GFRAL: variants seen among roughly 807,000 people sequenced by gnomAD.
GFRAL encodes the protein GDNF family receptor alpha-like.
In GFRAL, 36 loss-of-function variants were observed where a neutral mutation model predicts 45.4. That is an observed-to-expected ratio of 0.79 (90% confidence interval 0.61 to 1.05). GFRAL has a LOEUF of 1.05. GFRAL is among the 50% of genes least tolerant of loss of function. The pLI, the probability that GFRAL is intolerant of heterozygous loss-of-function variation, is 0.00. For synonymous variants in GFRAL, 166 were observed against 154.1 expected (o/e 1.08, Z -0.57); for missense variants, 507 against 467.5 (o/e 1.08, Z -0.78).
intron 6 of GFRAL, among the ~76,000 whole-genome samples, chr6:55,395,418 T>G (rs1768812282): frequency 6.6e-6 from 1 of 151,932 alleles, no homozygotes; most frequent in African/African-American, 2.4e-5. Flanking sequence ...TTCATTTGTC[T>G]TATTTATTAC....
At chr6:55,344,218 T>C (rs1768008605) in intron 3 of GFRAL, among the ~76,000 whole-genome samples, 1 of 152,118 alleles carries the variant, frequency 6.6e-6, no homozygotes, top group African/African-American at 2.4e-5. Context: ...TAACAAAGCC[T>C]GGCAAAGACA....
At position 55,327,586 on chromosome 6, in the gene GFRAL, T is replaced by C. The variant is rs1395204067; in HGVS notation, c.22+10T>C. On this transcript the variant is annotated intron_variant, in intron 1 of 8. Coordinates refer to ENST00000340465, the MANE Select transcript of GFRAL (RefSeq NM_207410.2). ...GTGTTTATTTTCTTGGGTAAGTGAA[T>C]GGTGCTTCTGGTTTATCTGAATTAT... The C allele has an allele frequency of 6.2e-7, 1 of 1,611,200 alleles. No homozygotes were observed. The highest frequency in any genetic ancestry group is 8.5e-7 in the Non-Finnish European group (1 of 1,177,574).
chr6:55,341,529 C>T (rs1465658985), intron 3 of GFRAL, among the ~76,000 whole-genome samples: 1 of 152,090 alleles, frequency 6.6e-6, no homozygotes, highest in South Asian at 2.1e-4. Context: ...CTATACATCA[C>T]CATCATGAAA....
At chr6:55,335,471 C>G (rs532250328) in intron 3 of GFRAL, among the ~76,000 whole-genome samples, 4 of 152,100 alleles carry the variant, frequency 2.6e-5, no homozygotes, top group African/African-American at 9.6e-5. Flanking sequence ...AGTTTATCAT[C>G]TTTTCTTTCA....
At chr6:55,351,722 T>C in intron 5 of GFRAL, 139 bp downstream of exon 5, 1 of 589,882 alleles carries the variant, frequency 1.7e-6, no homozygotes, top group South Asian at 2.9e-5. Context: ...AGACAATTAA[T>C]ATTTTTTTGA....
At chr6:55,348,767 G>A (rs150618707) in intron 3 of GFRAL, among the ~76,000 whole-genome samples, 1 of 152,038 alleles carries the variant, frequency 6.6e-6, no homozygotes. Context: ...CGGAGATTAT[G>A]GCTCCAACTT....
chr6:55,372,056 G>A (rs541132624), intron 6 of GFRAL, among the ~76,000 whole-genome samples: 1 of 152,196 alleles, frequency 6.6e-6, no homozygotes, highest in Admixed American at 6.5e-5. Context: ...CATTTCAGAG[G>A]GCCTGGAGGT....
intron 3 of GFRAL, among the ~76,000 whole-genome samples, chr6:55,339,994 G>A (rs1169679948): frequency 6.6e-6 from 1 of 152,142 alleles, no homozygotes; most frequent in African/African-American, 2.4e-5. Flanking sequence ...CAAAAACCTT[G>A]CACTCGATGA....
intron 6 of GFRAL, among the ~76,000 whole-genome samples, chr6:55,390,259 T>C (rs1196302363): frequency 6.6e-6 from 1 of 152,228 alleles, no homozygotes; most frequent in Non-Finnish European, 1.5e-5. Context: ...AAATTTTCAT[T>C]AGTGGTATAT....
chr6:55,352,764 T>C (rs554287366), intron 5 of GFRAL, among the ~76,000 whole-genome samples: 1 of 152,160 alleles, frequency 6.6e-6, no homozygotes, highest in East Asian at 1.9e-4. Flanking sequence ...GCTATGACCA[T>C]AGAAATGTAT....
intron 3 of GFRAL, among the ~76,000 whole-genome samples, chr6:55,343,632 G>A (rs1025458049): frequency 8.5e-5 from 13 of 152,094 alleles, no homozygotes; most frequent in African/African-American, 3.1e-4. Context: ...AGAAGCAAGA[G>A]CAAACACATT....
intron 6 of GFRAL, among the ~76,000 whole-genome samples, chr6:55,367,712 G>C (rs1183651802): frequency 6.7e-6 from 1 of 149,758 alleles, no homozygotes; most frequent in Non-Finnish European, 1.5e-5. Context: ...GCTTAGTTTG[G>C]CTGGATATGA....
intron 6 of GFRAL, among the ~76,000 whole-genome samples, chr6:55,363,719 A>C (rs1047359810): frequency 1.3e-5 from 2 of 151,134 alleles, no homozygotes; most frequent in African/African-American, 4.9e-5. Context: ...TAGTTTACTG[A>C]GAATGATGAT....
At chr6:55,353,593 C>CT (rs2127355897) in intron 5 of GFRAL, among the ~76,000 whole-genome samples, 1 of 152,120 alleles carries the variant, frequency 6.6e-6, no homozygotes, top group South Asian at 2.1e-4. Context: ...TGACAAAATA[C>CT]TTTTTATAAT....
chr6:55,342,982 C>G (rs925099898), intron 3 of GFRAL, among the ~76,000 whole-genome samples: 2 of 152,094 alleles, frequency 1.3e-5, no homozygotes, highest in African/African-American at 2.4e-5. Context: ...GCTAACTATC[C>G]TAAATATATA....
intron 3 of GFRAL, among the ~76,000 whole-genome samples, chr6:55,348,237 A>AGTGT (rs10560874): frequency 0.12 from 17,464 of 150,330 alleles, 1,485 homozygotes; most frequent in South Asian, 0.24. Context: ...GGAAAAAATG[A>AGTGT]GTGTGTGTGT....
intron 6 of GFRAL, among the ~76,000 whole-genome samples, chr6:55,384,753 A>G (rs1768657308): frequency 6.6e-6 from 1 of 151,926 alleles, no homozygotes; most frequent in Admixed American, 6.6e-5. Flanking sequence ...AACTTTTGCA[A>G]CTTTAGAGGT....
Position 55,334,793 on chromosome 6 carries a change from TG to T in GFRAL, c.316+850del, listed in dbSNP as rs1176787660. Among the ~76,000 whole-genome samples, 16 of 152,236 alleles carry T rather than the reference TG, an allele frequency of 1.1e-4. No individual in the cohort carries two copies. In the East Asian group the frequency reaches 1.5e-3, roughly 15 times the overall value. ...TATCAACAAATGAAGTTATGCAACATGTAGCCGTTTTAATTCAGTTTATTTT... is the reference window on the plus strand; with the variant it reads ...TATCAACAAATGAAGTTATGCAACATTAGCCGTTTTAATTCAGTTTATTTT... On this transcript the variant is annotated intron_variant, in intron 3 of 8. Coordinates refer to ENST00000340465, the MANE Select transcript of GFRAL (RefSeq NM_207410.2).
At chr6:55,331,926 A>G in intron 2 of GFRAL, 77 bp downstream of exon 2, 1 of 1,387,790 alleles carries the variant, frequency 7.2e-7, no homozygotes, top group Non-Finnish European at 9.9e-7. Flanking sequence ...TTTTGTCATT[A>G]TCCTAAGAAC....
Sources: allele counts gnomAD v4.1 joint callset (sites outside exome capture counted in the v4.1 genomes callset), GRCh38; gene constraint gnomAD v4.1.1; transcripts MANE v1.5; gene names NCBI Gene and HGNC (gene_info 2026-07-23, HGNC 2026-07-21).